Variants in EYS observed in about 807,000 individuals in gnomAD.
The protein encoded by EYS is EGF-like photoreceptor maintenance factor, also known as protein eyes shut homolog.
A neutral mutation model predicts 282.1 loss-of-function variants in EYS; 250 were observed. The ratio of observed to expected loss-of-function variants is 0.89; its 90% CI spans 0.80 to 0.98. The LOEUF is 0.98. EYS is among the 50% of genes least tolerant of loss of function. The pLI, the probability that EYS is intolerant of heterozygous loss-of-function variation, is 0.00. For synonymous variants in EYS, 1,355 were observed against 1,282.9 expected, an observed-to-expected ratio of 1.06 and a Z score of -1.20; for missense variants, 4,016 against 3,709.0, an observed-to-expected ratio of 1.08 and a Z score of -2.15.
At chr6:64,686,111 AAAC>A (rs1415783518) in intron 22 of EYS, among the ~76,000 whole-genome samples, 2 of 152,132 alleles carry the variant, frequency 1.3e-5, no homozygotes, top group African/African-American at 4.8e-5. Flanking sequence ...CATTAAAAAA[AAAC>A]AGGAAACTGT....
At chr6:65,599,461 T>C (rs1765540528) in intron 2 of EYS, among the ~76,000 whole-genome samples, 1 of 152,094 alleles carries the variant, frequency 6.6e-6, no homozygotes, top group Non-Finnish European at 1.5e-5. Context: ...TCCAAGACTT[T>C]GTATTATCTT....
intron 36 of EYS, among the ~76,000 whole-genome samples, chr6:63,809,350 A>G (rs1208596459): frequency 1.3e-5 from 2 of 152,168 alleles, no homozygotes; most frequent in Non-Finnish European, 2.9e-5. Context: ...TGGTTACTCT[A>G]CTGCATAAAT....
At chr6:63,778,301 TAAAAG>T in intron 39 of EYS, 121 bp from the exon 40 acceptor site, 2 of 1,045,144 alleles carry the variant, frequency 1.9e-6, no homozygotes, top group South Asian at 1.5e-5. Flanking sequence ...ATGTAAATTT[TAAAAG>T]AAATATAAGA....
At chr6:64,581,710 C>T (rs900387269) in intron 26 of EYS, among the ~76,000 whole-genome samples, 1 of 152,098 alleles carries the variant, frequency 6.6e-6, no homozygotes, top group African/African-American at 2.4e-5. Context: ...TTACGTTGTA[C>T]TCGAGTCTCA....
At chr6:65,168,900 A>G (rs1765039029) in intron 12 of EYS, among the ~76,000 whole-genome samples, 1 of 151,360 alleles carries the variant, frequency 6.6e-6, no homozygotes, top group Non-Finnish European at 1.5e-5. Context: ...CAAAGAGATC[A>G]TGGCTGATAT....
chr6:63,942,114 T>C (rs994331529), intron 35 of EYS, among the ~76,000 whole-genome samples: 2 of 152,166 alleles, frequency 1.3e-5, no homozygotes, highest in East Asian at 3.9e-4. Context: ...GTTATAAGGA[T>C]CTTTAAGGCT....
intron 31 of EYS, among the ~76,000 whole-genome samples, chr6:64,181,943 T>C (rs1764799694): frequency 6.6e-6 from 1 of 152,092 alleles, no homozygotes; most frequent in South Asian, 2.1e-4. Context: ...ATTTAATTTT[T>C]GTCTGTCCAT....
chr6:65,011,548 C>A (rs546996033), intron 13 of EYS, among the ~76,000 whole-genome samples: 42 of 152,270 alleles, frequency 2.8e-4, no homozygotes, highest in Middle Eastern at 6.8e-3. Context: ...AACTGCACAA[C>A]CCCTACTATG....
At chr6:64,767,715 T>C (rs956473807) in intron 22 of EYS, among the ~76,000 whole-genome samples, 9 of 152,210 alleles carry the variant, frequency 5.9e-5, no homozygotes. Flanking sequence ...TTTCATATCT[T>C]GACTGTTGTG....
chr6:64,727,288 T>A (rs528897907), intron 22 of EYS, among the ~76,000 whole-genome samples: 4 of 152,322 alleles, frequency 2.6e-5, no homozygotes, highest in South Asian at 2.1e-4. Flanking sequence ...AATTATGCTT[T>A]TTTTCAGAGA....
At chr6:64,360,100 A>G (rs1771955959) in intron 29 of EYS, among the ~76,000 whole-genome samples, 1 of 151,706 alleles carries the variant, frequency 6.6e-6, no homozygotes. Flanking sequence ...AAAACACTAA[A>G]TATGTGAACA....
intron 35 of EYS, among the ~76,000 whole-genome samples, chr6:63,887,690 C>A (rs764254843): frequency 2.0e-5 from 3 of 152,188 alleles, no homozygotes; most frequent in African/African-American, 7.2e-5. Context: ...CGGGTGCCCA[C>A]GTCACCAGGG....
chr6:64,268,411 T>A (rs1767830459), intron 30 of EYS, among the ~76,000 whole-genome samples: 1 of 152,130 alleles, frequency 6.6e-6, no homozygotes, highest in Non-Finnish European at 1.5e-5. Context: ...GAATCACTTC[T>A]AATGTGTAGT....
intron 1 of EYS, among the ~76,000 whole-genome samples, chr6:65,706,762 T>C (rs375408314): frequency 6.6e-6 from 1 of 152,130 alleles, no homozygotes; most frequent in Non-Finnish European, 1.5e-5. Context: ...TGACATTTCA[T>C]GGCCCTATGT....
intron 19 of EYS, among the ~76,000 whole-genome samples, chr6:64,828,281 A>G (rs1765117229): frequency 6.6e-6 from 1 of 151,942 alleles, no homozygotes; most frequent in Non-Finnish European, 1.5e-5. Context: ...AAAGTTTCTA[A>G]CTGACTTGCA....
chr6:65,670,712 T>C (rs1017350289), intron 1 of EYS, among the ~76,000 whole-genome samples: 3 of 152,088 alleles, frequency 2.0e-5, no homozygotes, highest in African/African-American at 7.2e-5. Flanking sequence ...TAGGAACTAA[T>C]TTCTCTTCTT....
At chr6:64,959,875 A>ATTTTTTTTTTTTTTTT (rs35264278) in intron 14 of EYS, among the ~76,000 whole-genome samples, 2 of 119,256 alleles carry the variant, frequency 1.7e-5, no homozygotes, top group African/African-American at 3.2e-5. Context: ...ACGACTCAGG[A>ATTTTTTTTTTTTTTTT]TTTTTTTTTT....
intron 16 of EYS, among the ~76,000 whole-genome samples, chr6:64,907,935 G>T (rs769003991): frequency 3.9e-5 from 6 of 152,184 alleles, no homozygotes; most frequent in Non-Finnish European, 7.3e-5. Context: ...GGAAAATAAA[G>T]CAGGGAAGAG....
chr6:64,938,245 T>C (rs1768974275), intron 15 of EYS, among the ~76,000 whole-genome samples: 1 of 151,590 alleles, frequency 6.6e-6, no homozygotes, highest in Non-Finnish European at 1.5e-5. Flanking sequence ...CTATAGTAGT[T>C]CTCTCCTTTT....
Sources: allele counts gnomAD v4.1 joint callset (sites outside exome capture counted in the v4.1 genomes callset), GRCh38; gene constraint gnomAD v4.1.1; transcripts MANE v1.5; gene names NCBI Gene and HGNC (gene_info 2026-07-23, HGNC 2026-07-21).